Variants in MPC2 observed in about 807,000 individuals in gnomAD.
The protein encoded by MPC2 is brain protein 44.
A neutral mutation model predicts 19.2 loss-of-function variants in MPC2; 19 were observed. The observed-to-expected ratio is 0.99, with a 90% CI of 0.69 to 1.45. The LOEUF (loss-of-function observed/expected upper bound fraction) is 1.45. MPC2 is among the 40% of genes most tolerant of loss of function. The pLI, the probability that MPC2 is intolerant of heterozygous loss-of-function variation, is 0.00. For synonymous variants in MPC2, 61 were observed against 54.3 expected, an observed-to-expected ratio of 1.12 and a Z score of -0.54; for missense variants, 122 against 153.0, an observed-to-expected ratio of 0.80 and a Z score of 1.07.
chr1:167,926,548 C>T (rs929357953), intron 2 of MPC2, among the ~76,000 whole-genome samples: 9 of 152,208 alleles, frequency 5.9e-5, no homozygotes, highest in East Asian at 1.9e-4. Flanking sequence ...GCCAAGTCAG[C>T]GGTTCTCAAC....
chr1:167,922,389 T>C (rs542349458), intron 3 of MPC2, among the ~76,000 whole-genome samples: 1 of 152,108 alleles, frequency 6.6e-6, no homozygotes, highest in South Asian at 2.1e-4. Context: ...TGTGGTAAAT[T>C]TGAGATCAAA....
At chr1:167,922,656 C>A (rs1670631826) in intron 3 of MPC2, among the ~76,000 whole-genome samples, 2 of 151,982 alleles carry the variant, frequency 1.3e-5, no homozygotes, top group South Asian at 4.1e-4. Flanking sequence ...GACTTATATT[C>A]TAATCTTGTC....
Position 167,918,003 on chromosome 1 carries a change from T to A in MPC2, c.*320A>T, listed in dbSNP as rs1436812120. The A allele has an allele frequency of 4.8e-6, 1 of 208,230 alleles. No individual in the cohort carries two copies. Among genetic ancestry groups the A allele is most frequent in the Non-Finnish European group, 9.6e-6 (1 of 104,612 alleles). The allele number at this position is 208,230 out of a possible 1,614,324, so 12.9% of individuals were successfully genotyped here. A position where few individuals can be genotyped will look rare whatever the true frequency, so the allele number is the denominator to read the frequency against. On this transcript the variant is annotated 3_prime_UTR_variant, in exon 6 of 6. Transcript: ENST00000271373. ...TAAGCAGATAATTTAATCTTCCAAC[T>A]TCTTGAATTTGTGTGTTCTTTTATG...
chr1:167,926,398 C>A (rs954537854), intron 2 of MPC2, among the ~76,000 whole-genome samples: 1 of 152,058 alleles, frequency 6.6e-6, no homozygotes, highest in Non-Finnish European at 1.5e-5. Context: ...TTTCTCTCTA[C>A]AAGATAGAAA....
rs1670502560 is a variant in MPC2, at chr1:167,917,968, C to T, written c.*355G>A. ...ACTTATAGCTAGCTACCTGACCATC[C>T]TACACTAAATAAGCAGATAATTTAA... On this transcript the variant is annotated 3_prime_UTR_variant, in exon 6 of 6. Coordinates refer to ENST00000271373, the MANE Select transcript of MPC2 (RefSeq NM_001143674.4). 5.7e-6 allele frequency: 1 copy of T among 174,708 alleles called. No homozygotes were observed. The allele number at this position is 174,708 out of a possible 1,614,324, so 10.8% of individuals were successfully genotyped here. A position where few individuals can be genotyped will look rare whatever the true frequency, so the allele number is the denominator to read the frequency against.
chr1:167,924,014 A>G (rs12074159), intron 3 of MPC2, among the ~76,000 whole-genome samples: 17,228 of 152,232 alleles, frequency 0.11, 1,156 homozygotes, highest in African/African-American at 0.18. Flanking sequence ...GGGGAAGAGT[A>G]AAAGCACTGG....
chr1:167,930,410 G>A (rs1397785751), intron 2 of MPC2, among the ~76,000 whole-genome samples: 1 of 152,148 alleles, frequency 6.6e-6, no homozygotes, highest in Non-Finnish European at 1.5e-5. Flanking sequence ...TCAGGCAAAT[G>A]AGGCCCAGTA....
At chr1:167,932,365 G>A (rs951197002) in intron 2 of MPC2, among the ~76,000 whole-genome samples, 17 of 152,014 alleles carry the variant, frequency 1.1e-4, no homozygotes, top group Non-Finnish European at 1.9e-4. Context: ...AACAGTAAAC[G>A]TTACTGGAAG....
Position 167,920,681 on chromosome 1 carries a change from T to C in MPC2, c.151-50A>G, listed in dbSNP as rs201211130. ...AAAAAGTATCACAAATGTGGAGTAA[T>C]AGTTTTAACTTTAAATCAAGCACAA... On this transcript the variant is annotated intron_variant, in intron 3 of 5. Coordinates refer to ENST00000271373, the MANE Select transcript of MPC2 (RefSeq NM_001143674.4). The C allele has an allele frequency of 5.6e-5, 86 of 1,543,928 alleles. No homozygotes were observed. The African/African-American group carries it at 1.1e-3, about 19-fold the overall frequency.
At chr1:167,921,288 T>C (rs968379823) in intron 3 of MPC2, among the ~76,000 whole-genome samples, 1 of 152,040 alleles carries the variant, frequency 6.6e-6, no homozygotes, top group African/African-American at 2.4e-5. Flanking sequence ...AATGGTGCGA[T>C]CTAGGCTCAC....
intron 3 of MPC2, among the ~76,000 whole-genome samples, chr1:167,921,926 C>G (rs1670613551): frequency 6.6e-6 from 1 of 151,982 alleles, no homozygotes; most frequent in Non-Finnish European, 1.5e-5. Context: ...TTAGGATTAT[C>G]CACTTTGACC....
chr1:167,918,319 T>C lies in MPC2; in HGVS notation c.*4A>G. The C allele has an allele frequency of 6.4e-7, 1 of 1,565,696 alleles. No individual in the cohort carries two copies. The highest frequency in any genetic ancestry group is 8.8e-7 in the Non-Finnish European group (1 of 1,140,292). On this transcript the variant is annotated 3_prime_UTR_variant, in exon 6 of 6. Coordinates refer to ENST00000271373, the MANE Select transcript of MPC2 (RefSeq NM_001143674.4). ...CTAGATTGTTCAGGTGATCAGGAAC[T>C]CTTTTATTTGTGTGCTTTAGCTTTT...
rs543812000 is a variant in MPC2 at position 167,927,347 on chromosome 1, A to AT, written c.110-2811dup. Among the ~76,000 whole-genome samples, 458 of 152,320 alleles carry AT rather than the reference A, an allele frequency of 3.0e-3. 3 individuals carry two copies. Among genetic ancestry groups the AT allele is most frequent in the Admixed American group, 5.3e-3 (81 of 15,298 alleles). On this transcript the variant is annotated intron_variant, in intron 2 of 5. Coordinates refer to ENST00000271373, the MANE Select transcript of MPC2 (RefSeq NM_001143674.4). Reference sequence around the variant, plus strand: ...GTCAGTCTTCTCAAACTCTCTGGAAATTTAGGGTGAGATTCTGGGATTCCT... The same window carrying AT: ...GTCAGTCTTCTCAAACTCTCTGGAAATTTTAGGGTGAGATTCTGGGATTCCT...
intron 3 of MPC2, 22 bp from the exon 4 acceptor site, chr1:167,920,653 G>GA: frequency 6.3e-7 from 1 of 1,591,754 alleles, no homozygotes; most frequent in Middle Eastern, 1.7e-4. Flanking sequence ...CGCATAGAAA[G>GA]AAAAAAAGTA....
At position 167,917,907 on chromosome 1, in the gene MPC2, A is replaced by T; in HGVS notation, c.*416T>A. 6.4e-6 allele frequency: 1 copy of T among 155,336 alleles called. No individual in the cohort carries two copies. 9.6% of individuals were successfully genotyped at this position (155,336 alleles called of 1,614,324 possible). On this transcript the variant is annotated 3_prime_UTR_variant, in exon 6 of 6. Coordinates refer to ENST00000271373, the MANE Select transcript of MPC2 (RefSeq NM_001143674.4). ...AGGTCATCTTGATAGTCATTCCACTACCCATTTCTCAGTCTCTTCAGCAAA... is the reference window on the plus strand; with the variant it reads ...AGGTCATCTTGATAGTCATTCCACTTCCCATTTCTCAGTCTCTTCAGCAAA...
At chr1:167,926,339 T>C (rs1670754756) in intron 2 of MPC2, among the ~76,000 whole-genome samples, 1 of 152,166 alleles carries the variant, frequency 6.6e-6, no homozygotes, top group Non-Finnish European at 1.5e-5. Flanking sequence ...CTCTAAGCAG[T>C]ATTGTTCTGG....
intron 2 of MPC2, among the ~76,000 whole-genome samples, chr1:167,927,045 C>T (rs1287874106): frequency 6.6e-6 from 1 of 152,202 alleles, no homozygotes; most frequent in Non-Finnish European, 1.5e-5. Flanking sequence ...TTTTCTTAAT[C>T]TTCCTTGACA....
intron 2 of MPC2, among the ~76,000 whole-genome samples, chr1:167,928,261 T>G (rs368783894): frequency 1.4e-5 from 2 of 146,304 alleles, no homozygotes; most frequent in East Asian, 2.0e-4. Context: ...GGCAGGAGAA[T>G]GGCGTGAAGC....
chr1:167,935,228 T>C (rs1382746754), intron 2 of MPC2, among the ~76,000 whole-genome samples: 1 of 152,168 alleles, frequency 6.6e-6, no homozygotes, highest in Admixed American at 6.5e-5. Context: ...TGACACTGAC[T>C]CAAGCCTGGA....
Sources: allele counts gnomAD v4.1 joint callset (sites outside exome capture counted in the v4.1 genomes callset), GRCh38; gene constraint gnomAD v4.1.1; transcripts MANE v1.5; gene names NCBI Gene and HGNC (gene_info 2026-07-23, HGNC 2026-07-21).